Variants in GPM6A observed in about 807,000 individuals in gnomAD.
GPM6A encodes the protein glycoprotein M6A, also known as neuronal membrane glycoprotein M6-a.
In GPM6A, 7 loss-of-function variants were observed where a neutral mutation model predicts 32.1. That is an observed-to-expected ratio of 0.22 (90% CI 0.12 to 0.41). The LOEUF (loss-of-function observed/expected upper bound fraction) is 0.41, where lower values mean the gene tolerates loss of function less well. GPM6A is among the 10% of genes least tolerant of loss of function. The pLI, the probability that GPM6A is intolerant of heterozygous loss-of-function variation, is 1.00. For synonymous variants in GPM6A, 130 were observed against 123.4 expected (o/e 1.05, Z -0.35); for missense variants, 235 against 347.2 (o/e 0.68, Z 2.57).
At chr4:175,968,347 G>C (rs1740394660) in intron 1 of GPM6A, among the ~76,000 whole-genome samples, 1 of 152,162 alleles carries the variant, frequency 6.6e-6, no homozygotes, top group Non-Finnish European at 1.5e-5. Context: ...GGAGAAAAAT[G>C]TAAGTGATTT....
chr4:175,814,537 T>C (rs1735040379), upstream of GPM6A, among the ~76,000 whole-genome samples: 1 of 152,212 alleles, frequency 6.6e-6, no homozygotes, highest in Admixed American at 6.5e-5. Flanking sequence ...AAAGGAAATT[T>C]TAAAAATATT....
At chr4:175,875,559 C>T (rs560959713) in intron 1 of GPM6A, among the ~76,000 whole-genome samples, 1 of 152,278 alleles carries the variant, frequency 6.6e-6, no homozygotes, top group South Asian at 2.1e-4. Context: ...TACATGATGA[C>T]TATTTTCCAC....
At chr4:175,643,101 C>T (rs957169818) in intron 4 of GPM6A, among the ~76,000 whole-genome samples, 3 of 152,062 alleles carry the variant, frequency 2.0e-5, no homozygotes, top group African/African-American at 7.2e-5. Flanking sequence ...ATAATCAGAC[C>T]GATTCTTCCC....
chr4:175,726,291 G>A (rs965259767), intron 1 of GPM6A, among the ~76,000 whole-genome samples: 3 of 151,966 alleles, frequency 2.0e-5, no homozygotes, highest in South Asian at 2.1e-4. Flanking sequence ...GAGCCACTGC[G>A]CCCAGCCTAC....
chr4:175,691,654 T>C (rs1744305959), intron 2 of GPM6A, among the ~76,000 whole-genome samples: 1 of 152,192 alleles, frequency 6.6e-6, no homozygotes, highest in South Asian at 2.1e-4. Flanking sequence ...ATTTTACCAA[T>C]TGTCTACTTT....
chr4:175,751,111 T>C (rs1052375362), intron 1 of GPM6A, among the ~76,000 whole-genome samples: 3 of 152,166 alleles, frequency 2.0e-5, no homozygotes, highest in African/African-American at 4.8e-5. Flanking sequence ...GTATACAATT[T>C]ATATTCTAAA....
At chr4:175,767,151 G>A (rs1733004697) in intron 1 of GPM6A, among the ~76,000 whole-genome samples, 1 of 152,096 alleles carries the variant, frequency 6.6e-6, no homozygotes, top group Admixed American at 6.6e-5. Context: ...AAAGCTATCA[G>A]TCCTGTTTAA....
intron 1 of GPM6A, among the ~76,000 whole-genome samples, chr4:175,788,776 C>G (rs1440958993): frequency 6.6e-6 from 1 of 152,004 alleles, no homozygotes; most frequent in Non-Finnish European, 1.5e-5. Flanking sequence ...ACCTATCCAC[C>G]CTTTAATAGT....
At chr4:175,961,503 C>T (rs75503787) in intron 1 of GPM6A, among the ~76,000 whole-genome samples, 2,971 of 152,244 alleles carry the variant, frequency 0.02, 54 homozygotes, top group African/African-American at 0.042. Context: ...TCTGCTGGAA[C>T]TAGTACTGGG....
intron 1 of GPM6A, among the ~76,000 whole-genome samples, chr4:175,980,217 C>T (rs140336708): frequency 2.8e-4 from 43 of 152,188 alleles, no homozygotes; most frequent in Middle Eastern, 6.8e-3. Flanking sequence ...AATAGCTGGG[C>T]GTGGTGGCAT....
chr4:175,749,889 TA>T (rs1436871116), intron 1 of GPM6A, among the ~76,000 whole-genome samples: 1 of 152,172 alleles, frequency 6.6e-6, no homozygotes, highest in Non-Finnish European at 1.5e-5. Flanking sequence ...CCACATCATC[TA>T]TGCCTTCTGT....
chr4:175,891,813 C>A (rs2111477233), intron 1 of GPM6A: 1 of 152,316 alleles, frequency 6.6e-6, no homozygotes, highest in East Asian at 1.9e-4. Flanking sequence ...AGAGACTAGT[C>A]TGAAGCTTCA....
intron 1 of GPM6A, among the ~76,000 whole-genome samples, chr4:175,938,933 G>C (rs1331937739): frequency 6.6e-6 from 1 of 151,794 alleles, no homozygotes; most frequent in Non-Finnish European, 1.5e-5. Flanking sequence ...TACATTCTAA[G>C]GTTTCACCAA....
intron 1 of GPM6A, among the ~76,000 whole-genome samples, chr4:175,707,248 C>T (rs969685888): frequency 1.3e-5 from 2 of 152,204 alleles, no homozygotes; most frequent in Non-Finnish European, 2.9e-5. Context: ...TCTTCTTGCT[C>T]AAGTTCCAAG....
In GPM6A at chr4:175,812,073, G is replaced by A. The variant is rs1197986213; in HGVS notation, c.37+118C>T. The A allele has an allele frequency of 8.1e-6, 6 of 737,624 alleles. No individual in the cohort carries two copies. In the East Asian group the frequency reaches 1.1e-4, roughly 13 times the overall value. The allele number at this position is 737,624 out of a possible 1,614,324, so 45.7% of individuals were successfully genotyped here. On this transcript the variant is annotated intron_variant, in intron 1 of 6. Transcript: ENST00000393658. ...TGAGGAACAGACTAAAGGAGAGGAA[G>A]GAACAAAATGCCTTCCAAGAGAGAA...
At chr4:175,786,152 G>C (rs971687663) in intron 1 of GPM6A, among the ~76,000 whole-genome samples, 2 of 152,118 alleles carry the variant, frequency 1.3e-5, no homozygotes, top group African/African-American at 4.8e-5. Flanking sequence ...AAAGTGCTAG[G>C]TGTTTCTTTT....
At chr4:175,712,369 G>T (rs1373871121) in intron 1 of GPM6A, among the ~76,000 whole-genome samples, 1 of 152,188 alleles carries the variant, frequency 6.6e-6, no homozygotes, top group Non-Finnish European at 1.5e-5. Context: ...CTGGCTCGTG[G>T]TGCCCCCAGA....
intron 1 of GPM6A, among the ~76,000 whole-genome samples, chr4:175,745,453 T>C (rs1732065019): frequency 6.6e-6 from 1 of 152,172 alleles, no homozygotes; most frequent in Non-Finnish European, 1.5e-5. Context: ...CTTTGTTCTG[T>C]TCAGTTAAAC....
intron 1 of GPM6A, among the ~76,000 whole-genome samples, chr4:175,751,337 G>A (rs1444273498): frequency 6.6e-6 from 1 of 152,078 alleles, no homozygotes; most frequent in African/African-American, 2.4e-5. Context: ...CAGTCAATCA[G>A]TAAAATTATT....
Sources: allele counts gnomAD v4.1 joint callset (sites outside exome capture counted in the v4.1 genomes callset), GRCh38; gene constraint gnomAD v4.1.1; transcripts MANE v1.5; gene names NCBI Gene and HGNC (gene_info 2026-07-23, HGNC 2026-07-21).